The following THBS3 variants were observed in gnomAD, a reference collection of about 807,000 sequenced individuals.
THBS3 encodes the protein thrombospondin 3.
A neutral mutation model predicts 118.3 loss-of-function variants in THBS3; 78 were observed. The ratio of observed to expected loss-of-function variants is 0.66; its 90% CI spans 0.55 to 0.80. THBS3 has a LOEUF of 0.80. Ranked by LOEUF, THBS3 falls within the 30% of genes least tolerant of loss-of-function variation. The pLI, the probability that THBS3 is intolerant of heterozygous loss-of-function variation, is 0.00. For missense variants in THBS3, 1,057 were observed against 1,247.4 expected (o/e 0.85, Z 2.30); for synonymous variants, 427 against 475.3 (o/e 0.90, Z 1.32).
rs777377592 is a variant in THBS3, at chr1:155,201,985, T to G, written c.1148A>C (p.Asp383Ala). Residue 383 changes from aspartate (D) to alanine (A), a missense_variant, in exon 10 of 23, where the codon GAC becomes GCC. Around this residue, in one of 3 missense-constraint regions of THBS3, gnomAD observed 544 missense variants for 715.6 expected, o/e 0.76. Coordinates refer to ENST00000368378, the MANE Select transcript of THBS3 (RefSeq NM_007112.5). ...ECNDGNNGGCDPNSICTNTVG... is the reference protein window; with the variant it reads ...ECNDGNNGGCAPNSICTNTVG... ...AGTGTTGGTGCAGATGGAGTTTGGG[T>G]CACAGCCACCATTGTTGCCATCGTT... is the stretch of plus-strand genomic sequence containing the variant. The G allele has an allele frequency of 3.5e-5, 57 of 1,613,958 alleles. No homozygotes were observed. The highest frequency in any genetic ancestry group is 5.9e-6 in the Non-Finnish European group (7 of 1,180,022).
intron 16 of THBS3, 47 bp downstream of exon 16, chr1:155,199,756 GA>G: frequency 1.2e-6 from 2 of 1,607,128 alleles, no homozygotes; most frequent in Non-Finnish European, 1.7e-6. Flanking sequence ...CTCCGTCTCA[GA>G]AAGACAAAAA....
At chr1:155,200,143 A>C in intron 14 of THBS3, 30 bp from the exon 15 acceptor site, 1 of 1,502,812 alleles carries the variant, frequency 6.7e-7, no homozygotes, top group Non-Finnish European at 9.0e-7. Context: ...CAAGGTTGTT[A>C]CTAGAACATG....
rs1016313858 is a variant in THBS3 at position 155,196,189 on chromosome 1, C to T, written c.2673-63G>A. On this transcript the variant is annotated intron_variant, in intron 21 of 22. Coordinates refer to ENST00000368378, the MANE Select transcript of THBS3 (RefSeq NM_007112.5). ...TAGGGTGCCAGTGGGCACTGTGCCA[C>T]CATGCCTGGGGCCTTGCTTTTCCCC... 4 of 1,594,364 alleles carry T rather than the reference C, an allele frequency of 2.5e-6. No homozygotes were observed. The Admixed American group carries it at 6.7e-5, about 27-fold the overall frequency.
In THBS3 at chr1:155,200,548, A is replaced by G. The variant is rs1669539903; in HGVS notation, c.1611T>C (p.Asp537=). 4 of 1,614,216 alleles carry G rather than the reference A, an allele frequency of 2.5e-6. No homozygotes were observed. The highest frequency in any genetic ancestry group is 3.4e-6 in the Non-Finnish European group (4 of 1,180,042). The change falls in exon 14 of 23, where the codon GAT becomes GAC. Residue 537 remains aspartate (D), a synonymous_variant. Coordinates refer to ENST00000368378, the MANE Select transcript of THBS3 (RefSeq NM_007112.5). ...QQNSDTDSFG[D]ACDNCPNVPN... is the part of the protein sequence containing the mutation. ...GAACGTTGGGGCAATTGTCACAGGC[A>G]TCACCAAATGAATCTGTATCTGAGT...
At position 155,206,543 on chromosome 1, in the gene THBS3, G is replaced by T; in HGVS notation, c.80-137C>A. ...CAAAATTCAACCCTTGGCTGGGCAT[G>T]GTGGCTCGCACCTGTAATCCCAACA... On this transcript the variant is annotated intron_variant, in intron 1 of 22. Coordinates refer to ENST00000368378, the MANE Select transcript of THBS3 (RefSeq NM_007112.5). This position sits in a 1 kb window ranked among gnomAD's most constrained non-coding sequence, Gnocchi z 4.2. 1.3e-6 allele frequency: 1 copy of T among 741,578 alleles called. No homozygotes were observed. Among genetic ancestry groups the T allele is most frequent in the Non-Finnish European group, 2.3e-6 (1 of 444,218 alleles). The allele number at this position is 741,578 out of a possible 1,614,324, so 45.9% of individuals were successfully genotyped here. A position where few individuals can be genotyped will look rare whatever the true frequency, so the allele number is the denominator to read the frequency against.
At chr1:155,196,964 T>A (rs1484748357) in intron 21 of THBS3, 77 bp downstream of exon 21, 6 of 1,442,806 alleles carry the variant, frequency 4.2e-6, no homozygotes, top group Non-Finnish European at 5.7e-6. Flanking sequence ...CATGGAGAGG[T>A]CACTGGTGAA....
At chr1:155,204,315 C>T (rs2075571) in intron 4 of THBS3, among the ~76,000 whole-genome samples, 60,809 of 151,750 alleles carry the variant, frequency 0.4, 13,216 homozygotes, top group East Asian at 0.75. Flanking sequence ...CCAGGCCGGG[C>T]GCGGTGGCTT....
In THBS3 at chr1:155,198,102, G is replaced by T. The variant is rs137877473; in HGVS notation, c.2193C>A (p.Thr731=). The change falls in exon 18 of 23, where the codon ACC becomes ACA. Residue 731 remains threonine (T), a synonymous_variant. Coordinates refer to ENST00000368378, the MANE Select transcript of THBS3 (RefSeq NM_007112.5). ...VTLTDFRAYQ[T]VVLDPEGDAQ... is the part of the protein sequence containing the mutation. ...CATCACCCTCAGGATCCAGGACGAC[G>T]GTCTGATAGGCCCGAAAATCCGTAA... 37 of 1,614,130 alleles carry T rather than the reference G, an allele frequency of 2.3e-5. No individual in the cohort carries two copies. The African/African-American group carries it at 4.3e-4, about 19-fold the overall frequency.
At position 155,203,675 on chromosome 1, in the gene THBS3, G is replaced by A. The variant is rs1670137097; in HGVS notation, c.647-136C>T. 4 of 1,142,924 alleles carry A rather than the reference G, an allele frequency of 3.5e-6. No homozygotes were observed. The Admixed American group carries it at 6.1e-5, about 17-fold the overall frequency. The allele number at this position is 1,142,924 out of a possible 1,614,324, so 70.8% of individuals were successfully genotyped here. On this transcript the variant is annotated intron_variant, in intron 4 of 22. Coordinates refer to ENST00000368378, the MANE Select transcript of THBS3 (RefSeq NM_007112.5). ...ATAAAGATGGGGTGCTGGATGCTGG[G>A]AGGGCAGAGCTGGCAGACAAGCAGT... is the stretch of plus-strand genomic sequence containing the variant.
Position 155,207,843 on chromosome 1 carries a change from G to C in THBS3, c.34C>G (p.Leu12Val). ...ETQELRGALA[L>V]LLLCFFTSAS... ...GATGTGAAAAAGCAAAGGAGGAGAA[G>C]AGCCAGGGCCCCCCGAAGTTCCTGC... Residue 12 changes from leucine to valine, a missense_variant, in exon 1 of 23, where the codon CTT (leucine) becomes GTT (valine). By Grantham distance (32) the Leu-to-Val change is conservative (BLOSUM62 1). Around this residue, in one of 3 missense-constraint regions of THBS3, gnomAD observed 206 missense variants for 205.7 expected, o/e 1.00. Transcript: ENST00000368378. 1 of 1,614,058 alleles carries C rather than the reference G, an allele frequency of 6.2e-7. No homozygotes were observed. Among genetic ancestry groups the C allele is most frequent in the South Asian group, 1.1e-5 (1 of 91,088 alleles).
rs1235164113 is a variant in THBS3, at chr1:155,199,982, C to T, written c.1827+13G>A. 1.2e-6 allele frequency: 2 copies of T among 1,600,464 alleles called. No homozygotes were observed. Among genetic ancestry groups the T allele is most frequent in the Middle Eastern group, 1.7e-4 (1 of 6,000 alleles). Reference sequence around the variant, plus strand: ...ACCCTCATCCCTCCCCTGTCCTTACCATCTCCCTGTACCTGGGTAGGATTG... The same window carrying T: ...ACCCTCATCCCTCCCCTGTCCTTACTATCTCCCTGTACCTGGGTAGGATTG... On this transcript the variant is annotated intron_variant, in intron 15 of 22. Transcript: ENST00000368378.
rs1670636345 is a variant in THBS3, at chr1:155,206,927, T to C, written c.80-521A>G. On this transcript the variant is annotated intron_variant, in intron 1 of 22. Transcript: ENST00000368378. This position sits in a 1 kb window ranked among gnomAD's most constrained non-coding sequence, Gnocchi z 4.2. ...GCACTGTGCCTTCCTTTCCCCATTA[T>C]TGCCTATTACTACCTTCCAGGAACC... Among the ~76,000 whole-genome samples the C allele has an allele frequency of 6.6e-6, 1 of 152,122 alleles. No homozygotes were observed. Among genetic ancestry groups the C allele is most frequent in the Admixed American group, 6.5e-5 (1 of 15,272 alleles).
intron 2 of THBS3, among the ~76,000 whole-genome samples, chr1:155,205,822 G>T (rs1173130702): frequency 6.6e-6 from 1 of 152,162 alleles, no homozygotes. Flanking sequence ...AGTCTTCATT[G>T]GTATCAGATG....
In THBS3 at chr1:155,197,503, G is replaced by A. The variant is rs1328623460; in HGVS notation, c.2459C>T (p.Thr820Ile). The A allele has an allele frequency of 6.2e-7, 1 of 1,614,044 alleles. No individual in the cohort carries two copies. The highest frequency in any genetic ancestry group is 1.7e-5 in the Admixed American group (1 of 60,022). ...KQTEQTYWQA[T>I]PFRAVAQPGL... Reference sequence around the variant, plus strand: ...GGGCTGGGCAACCGCCCGGAAGGGTGTAGCCTGCCAGTAGGTCTGCTCGGT... The same window carrying A: ...GGGCTGGGCAACCGCCCGGAAGGGTATAGCCTGCCAGTAGGTCTGCTCGGT... The change falls in exon 20 of 23, where the codon ACA becomes ATA. Residue 820 changes from threonine to isoleucine, a missense_variant. Thr to Ile is a moderately conservative substitution (Grantham distance 89). This residue lies in a region of THBS3 where 307 missense variants were observed against 326.1 expected (regional missense o/e 0.94). Transcript: ENST00000368378. The surrounding 1 kb of genome is among the most constrained non-coding windows in gnomAD (Gnocchi z 5.0).
rs764185281 is a variant in THBS3, at chr1:155,198,586, G to C, written c.1897C>G (p.Gln633Glu). Residue 633 changes from glutamine (Q) to glutamate (E), a missense_variant, in exon 17 of 23, where the codon CAG (glutamine) becomes GAG (glutamate). This residue lies in a region of THBS3 where 544 missense variants were observed against 715.6 expected (regional missense o/e 0.76). Transcript: ENST00000368378. ...TNEDSDGDGH[Q>E]DTKDNCPQLP... is the part of the protein sequence containing the mutation. ...TGTGGGCAGTTGTCCTTGGTGTCCT[G>C]ATGCCCATCCCCATCGCTAATCAGA... is the stretch of plus-strand genomic sequence containing the variant. The C allele has an allele frequency of 1.9e-6, 3 of 1,613,952 alleles. No homozygotes were observed. The highest frequency in any genetic ancestry group is 1.7e-6 in the Non-Finnish European group (2 of 1,179,996).
At chr1:155,207,914 G>A, upstream of THBS3, 3 of 1,603,210 alleles carry the variant, frequency 1.9e-6, no homozygotes, top group South Asian at 2.2e-5. Flanking sequence ...CAGGCAGGCA[G>A]CTGGGAGGGG....
chr1:155,196,148 G>A, intron 21 of THBS3, 22 bp from the exon 22 acceptor site: 1 of 1,613,476 alleles, frequency 6.2e-7, no homozygotes, highest in Non-Finnish European at 8.5e-7. Context: ...TCCAGGATAG[G>A]AGTATCCATT....
intron 10 of THBS3, 31 bp downstream of exon 10, chr1:155,201,926 C>T: frequency 6.2e-7 from 1 of 1,613,468 alleles, no homozygotes; most frequent in Admixed American, 1.7e-5. Flanking sequence ...ATTCCCACCA[C>T]CCCAGAATAC....
At chr1:155,205,400 C>T (rs1288247229) in intron 2 of THBS3, 84 bp from the exon 3 acceptor site, 2 of 1,544,628 alleles carry the variant, frequency 1.3e-6, no homozygotes, top group Non-Finnish European at 1.8e-6. Context: ...TGCTAGATAC[C>T]ACATCTCTAG....
Sources: allele counts gnomAD v4.1 joint callset (sites outside exome capture counted in the v4.1 genomes callset), GRCh38; gene constraint gnomAD v4.1.1; regional missense constraint gnomAD v4.1.1; non-coding constraint Gnocchi (gnomAD v3.1); transcripts MANE v1.5; gene names NCBI Gene and HGNC (gene_info 2026-07-23, HGNC 2026-07-21).